The following MAT2B variants were observed in gnomAD, a reference collection of about 807,000 sequenced individuals.
MAT2B encodes the protein methionine adenosyltransferase 2 subunit beta.
MAT2B carries 16 observed loss-of-function variants against 36.1 expected under a neutral mutation model. The ratio of observed to expected loss-of-function variants is 0.44; its 90% CI spans 0.30 to 0.67. The LOEUF (loss-of-function observed/expected upper bound fraction) is 0.67. Ranked by LOEUF, MAT2B falls within the 30% of genes least tolerant of loss-of-function variation. The pLI, the probability that MAT2B is intolerant of heterozygous loss-of-function variation, is 0.09. For synonymous variants in MAT2B, 148 were observed against 136.9 expected, an observed-to-expected ratio of 1.08 and a Z score of -0.57; for missense variants, 332 against 398.2, an observed-to-expected ratio of 0.83 and a Z score of 1.42.
chr5:163,505,653 C>T lies in MAT2B; in HGVS notation c.-34C>T, dbSNP rs779225095. The T allele has an allele frequency of 4.0e-6, 5 of 1,264,162 alleles. No individual in the cohort carries two copies. Among genetic ancestry groups the T allele is most frequent in the East Asian group, 6.1e-5 (2 of 32,728 alleles). 78.3% of individuals were successfully genotyped at this position (1,264,162 alleles called of 1,614,324 possible). A position where few individuals can be genotyped will look rare whatever the true frequency, so the allele number is the denominator to read the frequency against. Reference sequence around the variant, plus strand: ...GTCGATCCTGGGTTGGAGGAGGTGGCGGCCGCTGAGGCTGCGGCGTGAAGA... The same window carrying T: ...GTCGATCCTGGGTTGGAGGAGGTGGTGGCCGCTGAGGCTGCGGCGTGAAGA... On this transcript the variant is annotated 5_prime_UTR_variant, in exon 1 of 7. Transcript: ENST00000321757.
chr5:163,507,485 AC>A (rs1200989327), intron 1 of MAT2B, among the ~76,000 whole-genome samples: 1 of 152,238 alleles, frequency 6.6e-6, no homozygotes. Flanking sequence ...AGAGGCAGAT[AC>A]GTTTAGAGTA....
In MAT2B at chr5:163,518,357, T is replaced by G; in HGVS notation, c.999T>G (p.Phe333Leu). Residue 333 changes from phenylalanine to leucine, a missense_variant, in exon 7 of 7, where the codon TTT becomes TTG. Physicochemically the swap from Phe to Leu is conservative, Grantham distance 22. Coordinates refer to ENST00000321757, the MANE Select transcript of MAT2B (RefSeq NM_013283.5). ...LIDKRWRQTV[F>L]H ...ACAAGAGATGGAGACAAACGGTCTT[T>G]CATTAGTTTATTTGTGTTGGGTTCT... 3 of 1,603,132 alleles carry G rather than the reference T, an allele frequency of 1.9e-6. No homozygotes were observed. The highest frequency in any genetic ancestry group is 1.1e-5 in the South Asian group (1 of 87,676).
intron 1 of MAT2B, among the ~76,000 whole-genome samples, chr5:163,511,439 C>CTTTTTTTT (rs60009583): frequency 1.4e-5 from 1 of 69,548 alleles, no homozygotes; most frequent in Non-Finnish European, 2.6e-5. Context: ...CTAATTTTTG[C>CTTTTTTTT]TTTTTTTTTT....
intron 1 of MAT2B, among the ~76,000 whole-genome samples, chr5:163,511,537 C>T (rs1007519095): frequency 6.8e-6 from 1 of 147,948 alleles, no homozygotes; most frequent in Non-Finnish European, 1.5e-5. Flanking sequence ...CCTGCCTTGG[C>T]CTCGCAAAGT....
intron 4 of MAT2B, 70 bp from the exon 5 acceptor site, chr5:163,516,448 C>T: frequency 7.9e-7 from 1 of 1,259,184 alleles, no homozygotes; most frequent in Non-Finnish European, 1.1e-6. Context: ...TTTAAATCCA[C>T]ACCCTTGTAT....
At position 163,512,096 on chromosome 5, in the gene MAT2B, G is replaced by A; in HGVS notation, c.158G>A (p.Trp53Ter). ...CACAAAGAATTTCAGCAGAATAATT[G>A]GCATGCAGTTGGCTGTGGTTTCAGA... ...AVHKEFQQNNWHAVGCGFRRA... is the reference protein window; with the variant it reads ...AVHKEFQQNN The change falls in exon 2 of 7, where the codon TGG becomes TAG. Residue 53 changes from tryptophan (W) to a stop codon, truncating the protein, a stop_gained. Coordinates refer to ENST00000321757, the MANE Select transcript of MAT2B (RefSeq NM_013283.5). LOFTEE classifies it high-confidence loss of function. 1 of 1,614,136 alleles carries A rather than the reference G, an allele frequency of 6.2e-7. No individual in the cohort carries two copies.
At chr5:163,507,723 T>G (rs1759969169) in intron 1 of MAT2B, among the ~76,000 whole-genome samples, 1 of 152,200 alleles carries the variant, frequency 6.6e-6, no homozygotes, top group Admixed American at 6.5e-5. Flanking sequence ...TATTTCTTTT[T>G]CTAAAGAACG....
At chr5:163,503,417 T>C (rs1362694331), upstream of MAT2B, 2 of 1,613,970 alleles carry the variant, frequency 1.2e-6, no homozygotes, top group Non-Finnish European at 1.7e-6. Context: ...CCAGAGGACA[T>C]GGAGCAGGTA....
chr5:163,514,914 A>G (rs1329373841), intron 4 of MAT2B, among the ~76,000 whole-genome samples: 1 of 152,254 alleles, frequency 6.6e-6, no homozygotes, highest in Non-Finnish European at 1.5e-5. Context: ...TAATTTATAA[A>G]GAACAGAAAT....
At chr5:163,506,639 A>G (rs1405091177) in intron 1 of MAT2B, among the ~76,000 whole-genome samples, 3 of 152,288 alleles carry the variant, frequency 2.0e-5, no homozygotes, top group Non-Finnish European at 2.9e-5. Flanking sequence ...AGGGTTTTCA[A>G]ATCACTTTGG....
intron 1 of MAT2B, among the ~76,000 whole-genome samples, chr5:163,507,519 C>T (rs924569817): frequency 6.6e-6 from 1 of 152,170 alleles, no homozygotes; most frequent in Non-Finnish European, 1.5e-5. Flanking sequence ...ATTAGATCTA[C>T]TTTCCCCCAT....
intron 3 of MAT2B, 63 bp downstream of exon 3, chr5:163,513,732 A>C: frequency 1.3e-5 from 20 of 1,528,276 alleles, no homozygotes; most frequent in Non-Finnish European, 1.8e-5. Flanking sequence ...TTAGAAATTA[A>C]GGTTTTGTAG....
intron 5 of MAT2B, 76 bp downstream of exon 5, chr5:163,516,787 C>T: frequency 6.6e-7 from 1 of 1,521,534 alleles, no homozygotes; most frequent in Non-Finnish European, 9.1e-7. Context: ...CACAGCTGTA[C>T]TTGGAGTGTT....
At chr5:163,505,418 T>C, upstream of MAT2B, 6 of 725,052 alleles carry the variant, frequency 8.3e-6, no homozygotes, top group Non-Finnish European at 1.1e-5. Context: ...CTGAATTCAC[T>C]GCCTAAGGTC....
intron 1 of MAT2B, among the ~76,000 whole-genome samples, chr5:163,507,013 C>T (rs1759957352): frequency 6.6e-6 from 1 of 152,116 alleles, no homozygotes; most frequent in Non-Finnish European, 1.5e-5. Flanking sequence ...AGCACAGTAG[C>T]GTCGCAGTAG....
intron 1 of MAT2B, among the ~76,000 whole-genome samples, chr5:163,509,033 G>A (rs1266945874): frequency 6.6e-6 from 1 of 152,178 alleles, no homozygotes; most frequent in African/African-American, 2.4e-5. Flanking sequence ...TCCCTAAAGA[G>A]CCTTGTTCTT....
At chr5:163,508,611 GTTTT>G (rs1390526865) in intron 1 of MAT2B, among the ~76,000 whole-genome samples, 9 of 151,754 alleles carry the variant, frequency 5.9e-5, no homozygotes, top group African/African-American at 1.7e-4. Context: ...CTTTTTTTTG[GTTTT>G]TTTGTTTGTT....
chr5:163,516,677 C>T lies in MAT2B; in HGVS notation c.686C>T (p.Thr229Ile). ...RFPTHVKDVA[T>I]VCRQLAEKRM... is the part of the protein sequence containing the mutation. ...CCCACACATGTCAAAGATGTGGCCA[C>T]TGTGTGCCGGCAGCTAGCAGAGAAG... The change falls in exon 5 of 7, where the codon ACT (threonine) becomes ATT (isoleucine). Residue 229 changes from threonine (T) to isoleucine (I), a missense_variant. By Grantham distance (89) the Thr-to-Ile change is moderately conservative (BLOSUM62 -1). Transcript: ENST00000321757. 4 of 1,614,200 alleles carry T rather than the reference C, an allele frequency of 2.5e-6. No individual in the cohort carries two copies. The highest frequency in any genetic ancestry group is 3.4e-6 in the Non-Finnish European group (4 of 1,180,040).
chr5:163,515,770 CTTTTTTTTTTTT>C (rs66978639), intron 4 of MAT2B, among the ~76,000 whole-genome samples: 6 of 69,812 alleles, frequency 8.6e-5, no homozygotes, highest in African/African-American at 2.9e-4. Context: ...TTGCCTTTTT[CTTTTTTTTTTTT>C]TTTTTTTTTT....
Sources: allele counts gnomAD v4.1 joint callset (sites outside exome capture counted in the v4.1 genomes callset), GRCh38; gene constraint gnomAD v4.1.1; transcripts MANE v1.5; gene names NCBI Gene and HGNC (gene_info 2026-07-23, HGNC 2026-07-21).